The following TTC7A variants were observed in gnomAD, a reference collection of about 807,000 sequenced individuals.
TTC7A encodes the protein tetratricopeptide repeat protein 7A.
A neutral mutation model predicts 103.7 loss-of-function variants in TTC7A; 110 were observed. The observed-to-expected ratio is 1.06, with a 90% CI of 0.91 to 1.24. The LOEUF (loss-of-function observed/expected upper bound fraction) is 1.24. TTC7A is among the 50% of genes most tolerant of loss of function. TTC7A has a pLI of 0.00. For missense variants in TTC7A, 1,340 were observed against 1,116.3 expected (o/e 1.20, Z -2.86); for synonymous variants, 521 against 467.9 (o/e 1.11, Z -1.47).
chr2:47,012,236 G>C (rs182970934), intron 11 of TTC7A, among the ~76,000 whole-genome samples: 280 of 152,370 alleles, frequency 1.8e-3, no homozygotes, highest in African/African-American at 6.2e-3. Context: ...CCGACTGGGG[G>C]CCCACTTCTG....
At chr2:46,915,965 G>C (rs1668760224), upstream of TTC7A, 6 of 985,310 alleles carry the variant, frequency 6.1e-6, no homozygotes, top group Non-Finnish European at 6.0e-6. Context: ...TGGCGGGACT[G>C]ACGCAGTTCT....
At chr2:46,939,755 G>A (rs774016195), upstream of TTC7A, among the ~76,000 whole-genome samples, 2 of 152,162 alleles carry the variant, frequency 1.3e-5, no homozygotes, top group Non-Finnish European at 2.9e-5. Flanking sequence ...TAATCCAACC[G>A]CTCTCTCCAA....
chr2:47,054,152 T>C (rs1480254014), intron 18 of TTC7A: 11 of 985,284 alleles, frequency 1.1e-5, no homozygotes, highest in Non-Finnish European at 1.3e-5. Flanking sequence ...TGGCGCTGCA[T>C]CAGGGTCAGG....
intron 2 of TTC7A, among the ~76,000 whole-genome samples, chr2:46,935,488 T>C (rs1669933998): frequency 6.6e-6 from 1 of 152,220 alleles, no homozygotes; most frequent in Non-Finnish European, 1.5e-5. Context: ...TTCCAGACAC[T>C]GCTATGACTC....
chr2:46,981,053 G>T (rs1427330913), intron 5 of TTC7A, among the ~76,000 whole-genome samples: 8 of 152,130 alleles, frequency 5.3e-5, no homozygotes, highest in Non-Finnish European at 1.2e-4. Flanking sequence ...TTTTATGGCT[G>T]CTCCATTACG....
At position 47,050,058 on chromosome 2, in the gene TTC7A, C is replaced by T; in HGVS notation, c.2017+12C>T. ...TGATGCAGACTCTGGTAAGAACGAG[C>T]TCCTTGGGCCACTGTGTGCATGGAC... is the stretch of plus-strand genomic sequence containing the variant. On this transcript the variant is annotated intron_variant, in intron 17 of 19. Coordinates refer to ENST00000319190, the MANE Select transcript of TTC7A (RefSeq NM_020458.4). 2 of 1,605,714 alleles carry T rather than the reference C, an allele frequency of 1.2e-6. No homozygotes were observed. Among genetic ancestry groups the T allele is most frequent in the South Asian group, 1.1e-5 (1 of 90,920 alleles).
intron 2 of TTC7A, chr2:46,951,819 A>C (rs1050194361): frequency 2.7e-6 from 1 of 367,572 alleles, no homozygotes; most frequent in Admixed American, 3.4e-5. Context: ...AATCAAGACG[A>C]ATCCAGCATG....
intron 19 of TTC7A, among the ~76,000 whole-genome samples, chr2:47,067,256 T>G (rs1223789666): frequency 6.6e-6 from 1 of 152,256 alleles, no homozygotes; most frequent in East Asian, 1.9e-4. Context: ...GACTCTCTTG[T>G]GACTTCAAGG....
chr2:46,981,074 G>A (rs1050334654), intron 5 of TTC7A, among the ~76,000 whole-genome samples: 6 of 152,120 alleles, frequency 3.9e-5, no homozygotes, highest in Non-Finnish European at 7.4e-5. Context: ...TAGGCATGAT[G>A]TATTATATCA....
At chr2:46,925,674 C>A (rs1228382686) in intron 2 of TTC7A, among the ~76,000 whole-genome samples, 1 of 152,132 alleles carries the variant, frequency 6.6e-6, no homozygotes, top group African/African-American at 2.4e-5. Flanking sequence ...CTGACTTCTC[C>A]CCTGCCACCT....
intron 2 of TTC7A, among the ~76,000 whole-genome samples, chr2:46,952,015 T>G (rs1671460687): frequency 6.6e-6 from 1 of 152,204 alleles, no homozygotes; most frequent in Non-Finnish European, 1.5e-5. Context: ...ATTGGATCCT[T>G]CTGGGGCTGG....
intron 17 of TTC7A, chr2:47,050,410 G>C (rs1358426217): frequency 4.7e-6 from 1 of 213,436 alleles, no homozygotes; most frequent in East Asian, 9.7e-5. Flanking sequence ...AATGGACTGA[G>C]CTCTTTACAA....
intron 15 of TTC7A, among the ~76,000 whole-genome samples, chr2:47,032,969 A>G (rs1680727370): frequency 6.6e-6 from 1 of 151,776 alleles, no homozygotes; most frequent in Admixed American, 6.6e-5. Context: ...CCGCCAGACT[A>G]TGGTGAGTGA....
chr2:47,009,214 C>T (rs372451034), intron 10 of TTC7A, among the ~76,000 whole-genome samples: 3 of 152,088 alleles, frequency 2.0e-5, no homozygotes, highest in East Asian at 3.9e-4. Flanking sequence ...CCCTGGCACC[C>T]GCCCACTCTG....
At chr2:46,931,658 C>G (rs145238942) in intron 2 of TTC7A, among the ~76,000 whole-genome samples, 1 of 151,374 alleles carries the variant, frequency 6.6e-6, no homozygotes, top group Non-Finnish European at 1.5e-5. Context: ...TAGAGGCCAG[C>G]TGGTTCTTTG....
At chr2:46,935,412 G>C (rs1315690621) in intron 2 of TTC7A, among the ~76,000 whole-genome samples, 1 of 151,940 alleles carries the variant, frequency 6.6e-6, no homozygotes. Flanking sequence ...CTGAGCTTAA[G>C]CAAAAAAAAT....
rs751964737 is a variant in TTC7A at position 47,046,435 on chromosome 2, A to G, written c.1919+4A>G. The G allele has an allele frequency of 6.2e-7, 1 of 1,612,164 alleles. No individual in the cohort carries two copies. Among genetic ancestry groups the G allele is most frequent in the East Asian group, 2.2e-5 (1 of 44,856 alleles). ...TGTACAGCTTCTCCCAGCTGGGGTG[A>G]GTGGCCGTCATTGTCTCTTGGGTTG... On this transcript the variant is annotated splice_donor_region_variant and intron_variant, in intron 16 of 19. Transcript: ENST00000319190.
intron 11 of TTC7A, among the ~76,000 whole-genome samples, chr2:47,019,400 A>T (rs1416818439): frequency 2.0e-5 from 3 of 152,106 alleles, no homozygotes; most frequent in Admixed American, 6.5e-5. Context: ...CACAAAAAGA[A>T]ATTAAATTAT....
intron 5 of TTC7A, among the ~76,000 whole-genome samples, chr2:46,986,460 C>A (rs1261997257): frequency 6.6e-6 from 1 of 151,980 alleles, no homozygotes; most frequent in Non-Finnish European, 1.5e-5. Context: ...CGTGGAGTGA[C>A]CGTCCCAGAG....
Sources: allele counts gnomAD v4.1 joint callset (sites outside exome capture counted in the v4.1 genomes callset), GRCh38; gene constraint gnomAD v4.1.1; transcripts MANE v1.5; gene names NCBI Gene and HGNC (gene_info 2026-07-23, HGNC 2026-07-21).